Variants in SH3GL3 observed in about 807,000 individuals in gnomAD.
SH3GL3 encodes SH3 domain containing GRB2 like 3, endophilin A3.
Under a neutral mutation model 47.7 loss-of-function variants are expected in SH3GL3, and 33 were observed. The ratio of observed to expected loss-of-function variants is 0.69; its 90% confidence interval spans 0.52 to 0.92. The LOEUF (loss-of-function observed/expected upper bound fraction) is 0.92, where lower values mean the gene tolerates loss of function less well. SH3GL3 is among the 40% of genes least tolerant of loss of function. The pLI is 0.00. For missense variants in SH3GL3, 363 were observed against 417.8 expected (o/e 0.87, Z 1.14); for synonymous variants, 155 against 148.8 (o/e 1.04, Z -0.30).
At position 83,614,167 on chromosome 15, in the gene SH3GL3, A is replaced by G. The variant is rs553947988; in HGVS notation, c.839-3915A>G. 7.2e-5 allele frequency among the ~76,000 whole-genome samples: 11 copies of G among 152,256 alleles called. No individual in the cohort carries two copies. In the South Asian group the frequency reaches 2.3e-3, roughly 32 times the overall value. On this transcript the variant is annotated intron_variant, in intron 8 of 8. Coordinates refer to ENST00000427482, the MANE Select transcript of SH3GL3 (RefSeq NM_003027.5). ...CACTCCATGACCCAAGGAAAATGAA[A>G]AGTTCTGTATTGTAAGCCCTCTATT...
intron 1 of SH3GL3, among the ~76,000 whole-genome samples, chr15:83,459,608 A>G (rs1289220371): frequency 6.6e-6 from 1 of 152,186 alleles, no homozygotes; most frequent in Non-Finnish European, 1.5e-5. Flanking sequence ...TTTGATTTTA[A>G]TTCTGAAATC....
chr15:83,481,867 A>G (rs1273542097), intron 1 of SH3GL3, among the ~76,000 whole-genome samples: 1 of 152,222 alleles, frequency 6.6e-6, no homozygotes, highest in Non-Finnish European at 1.5e-5. Flanking sequence ...AAAGGCAAAT[A>G]TTACAAAAAA....
At chr15:83,559,559 C>G (rs753442483) in intron 2 of SH3GL3, among the ~76,000 whole-genome samples, 2 of 152,298 alleles carry the variant, frequency 1.3e-5, no homozygotes, top group East Asian at 3.9e-4. Context: ...CTGGTACCCT[C>G]TAGTGGCCAG....
At position 83,585,019 on chromosome 15, in the gene SH3GL3, C is replaced by T. The variant is rs1313297771; in HGVS notation, c.625-1964C>T. Among the ~76,000 whole-genome samples, 4 of 152,146 alleles carry T rather than the reference C, an allele frequency of 2.6e-5. No individual in the cohort carries two copies. In the East Asian group the frequency reaches 7.7e-4, roughly 29 times the overall value. On this transcript the variant is annotated intron_variant, in intron 6 of 8. Transcript: ENST00000427482. The stretch of plus-strand genomic sequence containing the variant: ...GTACCTGTGTTGGTCCCCATGGTCC[C>T]CAGCACACAGCTCAATGCTCATGAC...
At chr15:83,496,494 G>C (rs1192055594) in intron 1 of SH3GL3, among the ~76,000 whole-genome samples, 5 of 152,118 alleles carry the variant, frequency 3.3e-5, no homozygotes, top group African/African-American at 1.2e-4. Flanking sequence ...TTATGGACTA[G>C]AGTGGATATA....
chr15:83,583,742 C>T (rs772391372), intron 6 of SH3GL3, among the ~76,000 whole-genome samples: 1 of 152,068 alleles, frequency 6.6e-6, no homozygotes, highest in Non-Finnish European at 1.5e-5. Flanking sequence ...TATAGTCTGC[C>T]ATGGGAGATA....
At chr15:83,595,627 T>A (rs1377662870) in intron 8 of SH3GL3, among the ~76,000 whole-genome samples, 1 of 151,914 alleles carries the variant, frequency 6.6e-6, no homozygotes, top group Non-Finnish European at 1.5e-5. Context: ...TGTTTTTTTT[T>A]TTTTTTCCTG....
intron 1 of SH3GL3, among the ~76,000 whole-genome samples, chr15:83,484,564 C>T (rs1381363512): frequency 6.6e-6 from 1 of 151,914 alleles, no homozygotes; most frequent in Non-Finnish European, 1.5e-5. Context: ...GATAGACAAT[C>T]CCACATTTCT....
At chr15:83,460,253 G>T (rs1352646331) in intron 1 of SH3GL3, among the ~76,000 whole-genome samples, 1 of 151,298 alleles carries the variant, frequency 6.6e-6, no homozygotes, top group Non-Finnish European at 1.5e-5. Context: ...GACGGATGCT[G>T]CCACACCTGG....
At chr15:83,532,442 G>C (rs1271941612) in intron 1 of SH3GL3, among the ~76,000 whole-genome samples, 1 of 152,180 alleles carries the variant, frequency 6.6e-6, no homozygotes, top group Non-Finnish European at 1.5e-5. Flanking sequence ...GGAGGAAGGG[G>C]ATGATATTTA....
At chr15:83,450,546 A>G (rs1437501743) in intron 1 of SH3GL3, among the ~76,000 whole-genome samples, 1 of 152,108 alleles carries the variant, frequency 6.6e-6, no homozygotes, top group African/African-American at 2.4e-5. Context: ...TTTACAGAGA[A>G]TGAAGACTCG....
At chr15:83,495,112 A>T (rs2042029633) in intron 1 of SH3GL3, among the ~76,000 whole-genome samples, 1 of 152,020 alleles carries the variant, frequency 6.6e-6, no homozygotes, top group African/African-American at 2.4e-5. Context: ...GTTCTGTCTG[A>T]TGCTGGTGTG....
intron 5 of SH3GL3, among the ~76,000 whole-genome samples, chr15:83,575,528 C>T (rs1395322685): frequency 6.6e-6 from 1 of 152,228 alleles, no homozygotes; most frequent in Non-Finnish European, 1.5e-5. Context: ...TTCATAGTCT[C>T]AGCTATGCTC....
chr15:83,539,248 A>G (rs2044052719), intron 1 of SH3GL3, among the ~76,000 whole-genome samples: 1 of 152,318 alleles, frequency 6.6e-6, no homozygotes. Flanking sequence ...GGAGGCTGGT[A>G]AGTCCATAAT....
At chr15:83,609,355 C>T (rs1251666807) in intron 8 of SH3GL3, 5 of 455,286 alleles carry the variant, frequency 1.1e-5, no homozygotes, top group South Asian at 3.1e-5. Context: ...AGTGACAGGT[C>T]GCAGCCAGAC....
At chr15:83,517,986 G>A (rs2043055679) in intron 1 of SH3GL3, among the ~76,000 whole-genome samples, 1 of 152,096 alleles carries the variant, frequency 6.6e-6, no homozygotes, top group Non-Finnish European at 1.5e-5. Flanking sequence ...CCACTTATAA[G>A]TGAGAACATG....
At chr15:83,530,079 G>T (rs1427346655) in intron 1 of SH3GL3, among the ~76,000 whole-genome samples, 2 of 152,148 alleles carry the variant, frequency 1.3e-5, no homozygotes, top group Non-Finnish European at 2.9e-5. Context: ...AGTGTAGGGG[G>T]TTGTTAGTGG....
In SH3GL3 at chr15:83,448,426, G is replaced by A. The variant is rs1231023632; in HGVS notation, c.45+848G>A. On this transcript the variant is annotated intron_variant, in intron 1 of 8. Transcript: ENST00000427482. The surrounding 1 kb of genome is among the most constrained non-coding windows in gnomAD (Gnocchi z 4.2). ...AGCAGAGGAAACAGGAAAACAGGAG[G>A]GGAGACATGAAATTGATGTGTGTGT... Among the ~76,000 whole-genome samples, 2 of 143,042 alleles carry A rather than the reference G, an allele frequency of 1.4e-5. No homozygotes were observed. Among genetic ancestry groups the A allele is most frequent in the Non-Finnish European group, 3.0e-5 (2 of 65,974 alleles). 93.8% of individuals were successfully genotyped at this position (143,042 alleles called of 152,430 possible). A position where few individuals can be genotyped will look rare whatever the true frequency, so the allele number is the denominator to read the frequency against.
chr15:83,473,182 G>A (rs909661171), intron 1 of SH3GL3, among the ~76,000 whole-genome samples: 4 of 119,538 alleles, frequency 3.3e-5, no homozygotes, highest in Non-Finnish European at 6.5e-5. Flanking sequence ...TGATGGAGGC[G>A]AAAGTTCAGG....
Sources: allele counts gnomAD v4.1 joint callset (sites outside exome capture counted in the v4.1 genomes callset), GRCh38; gene constraint gnomAD v4.1.1; non-coding constraint Gnocchi (gnomAD v3.1); transcripts MANE v1.5; gene names NCBI Gene and HGNC (gene_info 2026-07-23, HGNC 2026-07-21).